The following COG5 variants were observed in gnomAD, a reference collection of about 807,000 sequenced individuals.
COG5 encodes the protein conserved oligomeric Golgi complex subunit 5.
COG5 carries 86 observed loss-of-function variants against 110.4 expected under a neutral mutation model. The observed-to-expected ratio is 0.78, with a 90% CI of 0.65 to 0.93. The LOEUF (loss-of-function observed/expected upper bound fraction) is 0.93, where lower values mean the gene tolerates loss of function less well. COG5 is among the 40% of genes least tolerant of loss of function. The pLI is 0.00. For synonymous variants in COG5, 360 were observed against 334.6 expected (o/e 1.08, Z -0.83); for missense variants, 1,077 against 987.0 (o/e 1.09, Z -1.22).
chr7:107,412,709 T>A, intron 6 of COG5, 77 bp from the exon 7 acceptor site: 6 of 834,486 alleles, frequency 7.2e-6, no homozygotes, highest in Admixed American at 3.1e-5. Context: ...ATGTATAACT[T>A]CTCAAAAAAA....
intron 6 of COG5, among the ~76,000 whole-genome samples, chr7:107,525,944 T>G (rs1800698800): frequency 6.6e-6 from 1 of 152,206 alleles, no homozygotes; most frequent in African/African-American, 2.4e-5. Flanking sequence ...GTTAGAGATA[T>G]TCCCAATGAT....
intron 6 of COG5, among the ~76,000 whole-genome samples, chr7:107,483,668 C>T (rs117775624): frequency 0.13 from 18,968 of 150,864 alleles, 1,488 homozygotes; most frequent in Non-Finnish European, 0.17. Flanking sequence ...CGCACCATTG[C>T]ACTCCAGCCT....
chr7:107,394,711 T>C (rs1053388779), intron 7 of COG5, among the ~76,000 whole-genome samples: 3 of 152,136 alleles, frequency 2.0e-5, no homozygotes, highest in East Asian at 1.9e-4. Context: ...CTTTATATAA[T>C]TGAAATTAGA....
chr7:107,305,995 C>T lies in COG5; in HGVS notation c.1109-7649G>A, dbSNP rs78317502. On this transcript the variant is annotated intron_variant, in intron 11 of 21. Coordinates refer to ENST00000297135, the MANE Select transcript of COG5 (RefSeq NM_006348.5). ...TACCAGTAGACAGATGTACTGAAGGCGATCTTAGAATCTTTCTGCCACAAT... is the reference window on the plus strand; with the variant it reads ...TACCAGTAGACAGATGTACTGAAGGTGATCTTAGAATCTTTCTGCCACAAT... Among the ~76,000 whole-genome samples the T allele has an allele frequency of 2.8e-3, 426 of 152,102 alleles. 26 individuals carry two copies. The East Asian group carries it at 0.077, about 28-fold the overall frequency.
intron 11 of COG5, among the ~76,000 whole-genome samples, chr7:107,316,540 G>A (rs1166249579): frequency 1.3e-5 from 2 of 151,866 alleles, no homozygotes; most frequent in Non-Finnish European, 2.9e-5. Context: ...CAGGCAGGGC[G>A]TGGTGGCTCT....
At chr7:107,533,118 G>C (rs1380897826) in intron 5 of COG5, among the ~76,000 whole-genome samples, 1 of 151,242 alleles carries the variant, frequency 6.6e-6, no homozygotes, top group East Asian at 1.9e-4. Flanking sequence ...TAAACTGAAA[G>C]CAATAGCATC....
At chr7:107,236,745 T>G in intron 17 of COG5, 58 bp from the exon 18 acceptor site, 1 of 1,080,548 alleles carries the variant, frequency 9.3e-7, no homozygotes, top group Non-Finnish European at 1.4e-6. Context: ...ACTCTTTGAT[T>G]TTGTACCCCT....
chr7:107,215,041 T>C (rs1049984959), intron 19 of COG5, among the ~76,000 whole-genome samples: 20 of 152,016 alleles, frequency 1.3e-4, no homozygotes, highest in Non-Finnish European at 2.5e-4. Flanking sequence ...AATAAAAATG[T>C]AGAGTTGTTG....
intron 8 of COG5, among the ~76,000 whole-genome samples, chr7:107,365,872 T>C (rs752433512): frequency 3.5e-4 from 53 of 152,132 alleles, no homozygotes; most frequent in Admixed American, 2.1e-3. Context: ...ATGGTTATTG[T>C]AGACAACAAA....
rs1584961565 is a variant in COG5, at chr7:107,554,417, A to G, written c.235-75T>C. ...CTTGTAACCACAATGTAGAATGGAC[A>G]GTCTCTCTTGGTGTAGAAACGAGGC... On this transcript the variant is annotated intron_variant, in intron 2 of 21. Transcript: ENST00000297135. The G allele has an allele frequency of 2.3e-6, 3 of 1,285,910 alleles. No homozygotes were observed. In the East Asian group the frequency reaches 7.0e-5, roughly 30 times the overall value. 79.7% of individuals were successfully genotyped at this position (1,285,910 alleles called of 1,614,324 possible).
Position 107,202,680 on chromosome 7 carries a change from A to AAAAC in COG5, c.*832_*835dup, listed in dbSNP as rs1798426128. ...GCTGCTGATAGGATTTTAAAAATTA[A>AAAAC]AAACAATGTTAATAGTGGAACAAGA... is the stretch of plus-strand genomic sequence containing the variant. On this transcript the variant is annotated 3_prime_UTR_variant, in exon 22 of 22. Coordinates refer to ENST00000297135, the MANE Select transcript of COG5 (RefSeq NM_006348.5). 1 of 152,174 alleles carries AAAAC rather than the reference A, an allele frequency of 6.6e-6. No individual in the cohort carries two copies. Among genetic ancestry groups the AAAAC allele is most frequent in the Non-Finnish European group, 1.5e-5 (1 of 68,026 alleles). The allele number at this position is 152,174 out of a possible 1,614,324, so 9.4% of individuals were successfully genotyped here. A position where few individuals can be genotyped will look rare whatever the true frequency, so the allele number is the denominator to read the frequency against.
chr7:107,539,095 T>C (rs554972965), intron 5 of COG5, among the ~76,000 whole-genome samples: 3 of 151,758 alleles, frequency 2.0e-5, no homozygotes, highest in Non-Finnish European at 4.4e-5. Flanking sequence ...CTGGGCAACA[T>C]AGTGAGAGAC....
At chr7:107,493,001 A>G (rs769933807) in intron 6 of COG5, among the ~76,000 whole-genome samples, 44 of 152,230 alleles carry the variant, frequency 2.9e-4, no homozygotes, top group Non-Finnish European at 6.0e-4. Flanking sequence ...TTAATCCCCA[A>G]TGTAATAGTG....
rs114143869 is a variant in COG5 at position 107,274,826 on chromosome 7, T to C, written c.1575+6474A>G. ...AATTTTTTACCTTCTCTTGAAAATATTGTCATTGCTCTCTGTTTTCAATAT... is the reference window on the plus strand; with the variant it reads ...AATTTTTTACCTTCTCTTGAAAATACTGTCATTGCTCTCTGTTTTCAATAT... On this transcript the variant is annotated intron_variant, in intron 14 of 21. Coordinates refer to ENST00000297135, the MANE Select transcript of COG5 (RefSeq NM_006348.5). 5.3e-3 allele frequency among the ~76,000 whole-genome samples: 802 copies of C among 152,318 alleles called. 7 individuals carry two copies. Among genetic ancestry groups the C allele is most frequent in the African/African-American group, 0.018 (743 of 41,572 alleles).
chr7:107,293,276 C>A (rs983090128), intron 12 of COG5, among the ~76,000 whole-genome samples: 1 of 152,122 alleles, frequency 6.6e-6, no homozygotes, highest in Non-Finnish European at 1.5e-5. Context: ...CTCCTGACCT[C>A]GCTTACCTGA....
chr7:107,495,303 A>C (rs1798207594), intron 6 of COG5, among the ~76,000 whole-genome samples: 1 of 152,206 alleles, frequency 6.6e-6, no homozygotes, highest in African/African-American at 2.4e-5. Flanking sequence ...CTACACAGGT[A>C]CAGGGAAAAC....
intron 1 of COG5, chr7:107,563,560 C>CG: frequency 5.8e-6 from 2 of 343,358 alleles, no homozygotes; most frequent in Admixed American, 5.4e-5. Context: ...GGGGGGGGGT[C>CG]GAGTTGAAAT....
Position 107,527,230 on chromosome 7 carries a change from A to AT in COG5, c.538+6_538+7insA. 1 of 1,539,408 alleles carries AT rather than the reference A, an allele frequency of 6.5e-7. No homozygotes were observed. The highest frequency in any genetic ancestry group is 1.3e-5 in the South Asian group (1 of 79,932). On this transcript the variant is annotated splice_region_variant and intron_variant, in intron 6 of 21. Transcript: ENST00000297135. ...AACTTTTTATTTAAAAAAAAAAAAA[A>AT]ACTTACCAAGTTCATTGAGACTCTG... is the stretch of plus-strand genomic sequence containing the variant.
At chr7:107,563,645 TA>T (rs1233390019) in intron 1 of COG5, 157 bp downstream of exon 1, 13 of 796,868 alleles carry the variant, frequency 1.6e-5, no homozygotes, top group African/African-American at 1.5e-4. Context: ...ATAGGTTGGC[TA>T]GAACAGTACC....
Sources: allele counts gnomAD v4.1 joint callset (sites outside exome capture counted in the v4.1 genomes callset), GRCh38; gene constraint gnomAD v4.1.1; transcripts MANE v1.5; gene names NCBI Gene and HGNC (gene_info 2026-07-23, HGNC 2026-07-21).